The following HECW2 variants were observed in gnomAD, a reference collection of about 807,000 sequenced individuals.
HECW2 encodes E3 ubiquitin-protein ligase HECW2.
HECW2 carries 61 observed loss-of-function variants against 175.2 expected under a neutral mutation model. That is an observed-to-expected ratio of 0.35 (90% CI 0.28 to 0.43). The LOEUF (loss-of-function observed/expected upper bound fraction) is 0.43. Ranked by LOEUF, HECW2 falls within the 20% of genes least tolerant of loss-of-function variation. The probability of loss-of-function intolerance (pLI) is 1.00; values close to 1 mark genes in which losing one functional copy is unlikely to be tolerated. For synonymous variants in HECW2, 671 were observed against 731.0 expected, an observed-to-expected ratio of 0.92 and a Z score of 1.32; for missense variants, 1,524 against 2,000.5, an observed-to-expected ratio of 0.76 and a Z score of 4.54.
rs765446668 is a variant in HECW2 at position 196,386,657 on chromosome 2, C to T, written c.293-42893G>A. ...CTCTTTTTAAGCAAAATGAAGGCCT[C>T]AGGGACAAGACCATCTCCTTCCTAG... On this transcript the variant is annotated intron_variant, in intron 2 of 28. Transcript: ENST00000644978. 3.9e-5 allele frequency among the ~76,000 whole-genome samples: 6 copies of T among 152,264 alleles called. No individual in the cohort carries two copies. In the South Asian group the frequency reaches 8.3e-4, roughly 21 times the overall value.
intron 1 of HECW2, among the ~76,000 whole-genome samples, chr2:196,536,469 G>A (rs944923123): frequency 6.6e-6 from 1 of 152,148 alleles, no homozygotes; most frequent in African/African-American, 2.4e-5. Context: ...ACTAAAAGTT[G>A]GCATGCTCAG....
intron 13 of HECW2, among the ~76,000 whole-genome samples, chr2:196,302,809 T>C (rs35192336): frequency 0.21 from 31,940 of 152,158 alleles, 3,634 homozygotes; most frequent in Middle Eastern, 0.28. Context: ...TAAGAATCTT[T>C]TGGGCTGAGA....
chr2:196,250,894 C>T (rs1191359234), intron 19 of HECW2, among the ~76,000 whole-genome samples: 3 of 152,190 alleles, frequency 2.0e-5, no homozygotes, highest in African/African-American at 7.2e-5. Flanking sequence ...CATTTGACTT[C>T]TGCTTCAGAT....
chr2:196,583,051 T>C (rs963618721), intron 1 of HECW2, among the ~76,000 whole-genome samples: 2 of 152,210 alleles, frequency 1.3e-5, no homozygotes, highest in African/African-American at 2.4e-5. Flanking sequence ...GACAAGTCCA[T>C]GTTCAGGGAG....
chr2:196,340,627 T>C (rs1354721863), intron 3 of HECW2, among the ~76,000 whole-genome samples: 1 of 139,422 alleles, frequency 7.2e-6, no homozygotes, highest in African/African-American at 2.6e-5. Flanking sequence ...AAAAATGACA[T>C]CCCAAAGGCA....
chr2:196,456,226 T>C (rs1444875716), intron 1 of HECW2, among the ~76,000 whole-genome samples: 1 of 152,130 alleles, frequency 6.6e-6, no homozygotes, highest in Non-Finnish European at 1.5e-5. Context: ...CTAAGTCAAA[T>C]ATTCTAGAAG....
chr2:196,391,663 C>T lies in HECW2; in HGVS notation c.292+41469G>A, dbSNP rs117315485. 8.4e-3 allele frequency among the ~76,000 whole-genome samples: 1,280 copies of T among 152,142 alleles called. 24 individuals are homozygous for T. Among genetic ancestry groups the T allele is most frequent in the East Asian group, 0.046 (236 of 5,178 alleles). The stretch of plus-strand genomic sequence containing the variant: ...GATTAAGGAGGTATGGGTTTTAGTC[C>T]CAGATACTGTATTAGTTTCTTAGAG... On this transcript the variant is annotated intron_variant, in intron 2 of 28. Transcript: ENST00000644978.
chr2:196,381,252 G>C (rs1454985700), intron 2 of HECW2, among the ~76,000 whole-genome samples: 4 of 152,114 alleles, frequency 2.6e-5, no homozygotes, highest in Non-Finnish European at 4.4e-5. Context: ...TGAGTCTAAG[G>C]ATCAGTTCAG....
intron 13 of HECW2, among the ~76,000 whole-genome samples, chr2:196,302,722 CTGT>C (rs1691108409): frequency 6.6e-6 from 1 of 152,038 alleles, no homozygotes; most frequent in South Asian, 2.1e-4. Context: ...CTCTGCTTGC[CTGT>C]TGTTGGTGTA....
Position 196,199,775 on chromosome 2 carries a change from A to G in HECW2, c.*1502T>C, listed in dbSNP as rs1686798198. The G allele has an allele frequency of 6.6e-6, 1 of 152,204 alleles. No homozygotes were observed. Among genetic ancestry groups the G allele is most frequent in the Non-Finnish European group, 1.5e-5 (1 of 68,018 alleles). 9.4% of individuals were successfully genotyped at this position (152,204 alleles called of 1,614,324 possible). On this transcript the variant is annotated 3_prime_UTR_variant, in exon 29 of 29. Transcript: ENST00000644978. The stretch of plus-strand genomic sequence containing the variant: ...AATCCCAAAAGCAATTAAAATGAAG[A>G]ATACCTTCTCATAAAATTAAGCAGA...
chr2:196,489,676 C>G (rs1002506580), intron 1 of HECW2, among the ~76,000 whole-genome samples: 7 of 152,156 alleles, frequency 4.6e-5, no homozygotes, highest in Admixed American at 4.6e-4. Flanking sequence ...ATCCACTTGG[C>G]CCCAGACTTG....
chr2:196,350,895 T>C (rs1693147782), intron 2 of HECW2, among the ~76,000 whole-genome samples: 1 of 152,228 alleles, frequency 6.6e-6, no homozygotes, highest in Admixed American at 6.5e-5. Context: ...GTTTAAAGTG[T>C]CTTTGGAAGA....
chr2:196,590,783 T>C lies in HECW2; in HGVS notation c.-36+2725A>G, dbSNP rs1216314943. ...ACTACAGGTAACAACCTTGGTTTCT[T>C]TGCCTTTGGCTGAAATCAGTGTTGC... On this transcript the variant is annotated intron_variant, in intron 1 of 28. Coordinates refer to ENST00000644978, the MANE Select transcript of HECW2 (RefSeq NM_001348768.2). 3.3e-5 allele frequency among the ~76,000 whole-genome samples: 5 copies of C among 152,236 alleles called. No individual in the cohort carries two copies. In the East Asian group the frequency reaches 9.6e-4, roughly 29 times the overall value.
intron 17 of HECW2, among the ~76,000 whole-genome samples, chr2:196,264,679 T>C (rs10187086): frequency 0.18 from 26,869 of 152,168 alleles, 2,962 homozygotes; most frequent in South Asian, 0.38. Context: ...GGTGATTGAC[T>C]GTCCAGTTGT....
chr2:196,558,949 C>T (rs1689900756), intron 1 of HECW2, among the ~76,000 whole-genome samples: 1 of 152,172 alleles, frequency 6.6e-6, no homozygotes, highest in Non-Finnish European at 1.5e-5. Context: ...TCAATGGGCA[C>T]CTACTCTATG....
At chr2:196,431,435 T>C (rs936966618) in intron 2 of HECW2, among the ~76,000 whole-genome samples, 1 of 152,154 alleles carries the variant, frequency 6.6e-6, no homozygotes, top group Admixed American at 6.5e-5. Flanking sequence ...AAATAAATCA[T>C]CTTATATGAG....
chr2:196,587,086 T>C (rs1048242969), intron 1 of HECW2, among the ~76,000 whole-genome samples: 4 of 152,366 alleles, frequency 2.6e-5, no homozygotes, highest in Non-Finnish European at 2.9e-5. Context: ...CTCATACTTA[T>C]TTTGCTACAA....
intron 20 of HECW2, 37 bp downstream of exon 20, chr2:196,242,047 A>G (rs756943139): frequency 1.9e-6 from 3 of 1,606,286 alleles, no homozygotes; most frequent in Non-Finnish European, 2.6e-6. Context: ...TCCTTTCACC[A>G]TCTATACATT....
rs1331685641 is a variant in HECW2 at position 196,240,466 on chromosome 2, G to A, written c.3747C>T (p.Thr1249=). The A allele has an allele frequency of 1.2e-6, 2 of 1,609,926 alleles. No homozygotes were observed. The highest frequency in any genetic ancestry group is 8.5e-7 in the Non-Finnish European group (1 of 1,178,528). The change falls in exon 21 of 29, where the codon ACC becomes ACT. Residue 1249 remains threonine, a synonymous_variant. Transcript: ENST00000644978. ...CTACTCACCCTTCCTCCCCAACGAA[G>A]GTGACATATAGCTTATTTCTCTGCA... The part of the protein sequence containing the change: ...KDLQRNKLYV[T]FVGEEGLDYS...
Sources: allele counts gnomAD v4.1 joint callset (sites outside exome capture counted in the v4.1 genomes callset), GRCh38; gene constraint gnomAD v4.1.1; transcripts MANE v1.5; gene names NCBI Gene and HGNC (gene_info 2026-07-23, HGNC 2026-07-21).